Variants in ZC3H3 observed in about 807,000 individuals in gnomAD.
ZC3H3 encodes zinc finger CCCH domain-containing protein 3.
ZC3H3 carries 36 observed loss-of-function variants against 77.3 expected under a neutral mutation model. That is an observed-to-expected ratio of 0.47 (90% CI 0.36 to 0.61). The LOEUF (loss-of-function observed/expected upper bound fraction) is 0.61, where lower values mean the gene tolerates loss of function less well. ZC3H3 is among the 20% of genes least tolerant of loss of function. The probability of loss-of-function intolerance (pLI) is 0.00; values close to 1 mark genes in which losing one functional copy is unlikely to be tolerated. For synonymous variants in ZC3H3, 626 were observed against 555.2 expected (o/e 1.13, Z -1.79); for missense variants, 1,331 against 1,312.2 (o/e 1.01, Z -0.22).
intron 4 of ZC3H3, among the ~76,000 whole-genome samples, chr8:143,500,915 C>T (rs1293144491): frequency 1.3e-5 from 2 of 150,200 alleles, no homozygotes; most frequent in East Asian, 2.0e-4. Context: ...TGGGTTCAAG[C>T]GGTTCTCCGG....
rs1297242835 is a variant in ZC3H3, at chr8:143,460,856, C to T, written c.2307+4861G>A. On this transcript the variant is annotated intron_variant, in intron 9 of 11. Coordinates refer to ENST00000262577, the MANE Select transcript of ZC3H3 (RefSeq NM_015117.3). The surrounding 1 kb of genome is among the most constrained non-coding windows in gnomAD (Gnocchi z 4.0). The stretch of plus-strand genomic sequence containing the variant: ...TGGAAACATTACGCTGCGTGAAAGA[C>T]GCCAGACACCAAAGGACAGAATGTA... Among the ~76,000 whole-genome samples, 1 of 152,052 alleles carries T rather than the reference C, an allele frequency of 6.6e-6. No homozygotes were observed. Among genetic ancestry groups the T allele is most frequent in the African/African-American group, 2.4e-5 (1 of 41,382 alleles).
At chr8:143,507,248 A>G (rs1054261381) in intron 4 of ZC3H3, among the ~76,000 whole-genome samples, 1 of 152,136 alleles carries the variant, frequency 6.6e-6, no homozygotes, top group African/African-American at 2.4e-5. Context: ...TCGAGGTCAG[A>G]GTGCGAGTGG....
Position 143,530,240 on chromosome 8 carries a change from C to A in ZC3H3, c.1561+6017G>T, listed in dbSNP as rs1361544596. On this transcript the variant is annotated intron_variant, in intron 3 of 11. Coordinates refer to ENST00000262577, the MANE Select transcript of ZC3H3 (RefSeq NM_015117.3). This position sits in a 1 kb window ranked among gnomAD's most constrained non-coding sequence, Gnocchi z 4.3. ...TGCCCAGGACCTGCCAGGCCCGCAC[C>A]CTCCACCAGCACACTGGCGACAAGT... Among the ~76,000 whole-genome samples the A allele has an allele frequency of 6.6e-6, 1 of 152,126 alleles. No homozygotes were observed. Among genetic ancestry groups the A allele is most frequent in the Non-Finnish European group, 1.5e-5 (1 of 68,012 alleles).
rs896935 is a variant in ZC3H3 at position 143,531,576 on chromosome 8, A to G, written c.1561+4681T>C. Among the ~76,000 whole-genome samples the G allele has an allele frequency of 8.4e-3, 1,282 of 152,360 alleles. 9 individuals carry two copies. Among genetic ancestry groups the G allele is most frequent in the African/African-American group, 0.029 (1,214 of 41,582 alleles). ...AAAGCGATTATCTGTTGTGCCAAAT[A>G]AATTGTGTACAGCATATATCCTGTG... On this transcript the variant is annotated intron_variant, in intron 3 of 11. Transcript: ENST00000262577.
intron 4 of ZC3H3, among the ~76,000 whole-genome samples, chr8:143,481,891 G>A (rs922821338): frequency 6.6e-6 from 1 of 152,262 alleles, no homozygotes; most frequent in African/African-American, 2.4e-5. Context: ...CCTGCCCCGA[G>A]GCAATGCCCA....
chr8:143,510,548 C>T (rs999242450), intron 3 of ZC3H3, among the ~76,000 whole-genome samples: 12 of 152,228 alleles, frequency 7.9e-5, no homozygotes, highest in Non-Finnish European at 1.6e-4. Flanking sequence ...GCATGGCACA[C>T]GGACCCAGAA....
In ZC3H3 at chr8:143,538,095, G is replaced by A. The variant is rs774493313; in HGVS notation, c.1272C>T (p.His424=). The A allele has an allele frequency of 9.9e-6, 16 of 1,613,168 alleles. No homozygotes were observed. Among genetic ancestry groups the A allele is most frequent in the Non-Finnish European group, 1.4e-5 (16 of 1,180,018 alleles). Reference sequence around the variant, plus strand: ...CCCCAGAGAGGGGCTTCAAGCCACTGTGTCCTACTGCTGGTCTGTCCCCCG... The same window carrying A: ...CCCCAGAGAGGGGCTTCAAGCCACTATGTCCTACTGCTGGTCTGTCCCCCG... ...SPSGDRPAVG[H]SGLKPLSGET... is the part of the protein sequence containing the mutation. The change falls in exon 2 of 12, where the codon CAC becomes CAT. Residue 424 remains histidine (H), a synonymous_variant. Transcript: ENST00000262577.
intron 4 of ZC3H3, among the ~76,000 whole-genome samples, chr8:143,485,113 G>C (rs1339559535): frequency 6.6e-6 from 1 of 152,206 alleles, no homozygotes; most frequent in Non-Finnish European, 1.5e-5. Flanking sequence ...TCAAATAACT[G>C]AGGAAAAATT....
intron 11 of ZC3H3, among the ~76,000 whole-genome samples, chr8:143,439,356 A>G (rs1416660319): frequency 6.6e-6 from 1 of 152,210 alleles, no homozygotes; most frequent in African/African-American, 2.4e-5. Context: ...CGACCGTGAA[A>G]TATGACAATA....
At chr8:143,491,693 C>T (rs183993674) in intron 4 of ZC3H3, among the ~76,000 whole-genome samples, 4 of 152,370 alleles carry the variant, frequency 2.6e-5, no homozygotes, top group Admixed American at 2.0e-4. Context: ...GCCCAGCAGG[C>T]CATGCTCTCA....
At chr8:143,512,166 T>C (rs887935142) in intron 3 of ZC3H3, among the ~76,000 whole-genome samples, 1 of 152,214 alleles carries the variant, frequency 6.6e-6, no homozygotes, top group African/African-American at 2.4e-5. Context: ...AAGGGGCTAG[T>C]CCAGGTGCAG....
intron 3 of ZC3H3, among the ~76,000 whole-genome samples, chr8:143,528,082 C>T (rs1822476763): frequency 6.6e-6 from 1 of 152,224 alleles, no homozygotes; most frequent in African/African-American, 2.4e-5. Context: ...CTCGCTGGGG[C>T]CAGGGGAGAG....
In ZC3H3 at chr8:143,533,142, C is replaced by T. The variant is rs1201751747; in HGVS notation, c.1561+3115G>A. Among the ~76,000 whole-genome samples, 2 of 152,180 alleles carry T rather than the reference C, an allele frequency of 1.3e-5. No homozygotes were observed. The highest frequency in any genetic ancestry group is 2.9e-5 in the Non-Finnish European group (2 of 68,026). On this transcript the variant is annotated intron_variant, in intron 3 of 11. Transcript: ENST00000262577. The surrounding 1 kb of genome is among the most constrained non-coding windows in gnomAD (Gnocchi z 4.0). Reference sequence around the variant, plus strand: ...GCTTCCCAACGTAACCAGAACCAACCCCCCGTTCCCTCCTGTGGCCTACAA... The same window carrying T: ...GCTTCCCAACGTAACCAGAACCAACTCCCCGTTCCCTCCTGTGGCCTACAA...
chr8:143,518,345 G>A (rs989171629), intron 3 of ZC3H3, among the ~76,000 whole-genome samples: 3 of 152,150 alleles, frequency 2.0e-5, no homozygotes, highest in Non-Finnish European at 4.4e-5. Context: ...ACTGGCTGCC[G>A]GGCGGCACGG....
rs1422978550 is a variant in ZC3H3 at position 143,530,688 on chromosome 8, A to G, written c.1561+5569T>C. Among the ~76,000 whole-genome samples, 1 of 152,044 alleles carries G rather than the reference A, an allele frequency of 6.6e-6. No individual in the cohort carries two copies. The highest frequency in any genetic ancestry group is 1.5e-5 in the Non-Finnish European group (1 of 67,982). ...GAGGATGTACCACGAAGCTGGCCCCACTTCCCCCGCACCACAGTGAGAGCC... is the reference window on the plus strand; with the variant it reads ...GAGGATGTACCACGAAGCTGGCCCCGCTTCCCCCGCACCACAGTGAGAGCC... On this transcript the variant is annotated intron_variant, in intron 3 of 11. Coordinates refer to ENST00000262577, the MANE Select transcript of ZC3H3 (RefSeq NM_015117.3). This position sits in a 1 kb window ranked among gnomAD's most constrained non-coding sequence, Gnocchi z 4.3.
intron 3 of ZC3H3, among the ~76,000 whole-genome samples, chr8:143,519,456 A>C (rs560899079): frequency 1.3e-5 from 2 of 152,254 alleles, no homozygotes; most frequent in African/African-American, 4.8e-5. Context: ...TTGAAAGCGC[A>C]AAGGTTAAAA....
At position 143,538,888 on chromosome 8, in the gene ZC3H3, C is replaced by T. The variant is rs150994390; in HGVS notation, c.479G>A (p.Arg160Gln). The change falls in exon 2 of 12, where the codon CGG becomes CAG. Residue 160 changes from arginine (R) to glutamine (Q), a missense_variant. Arg to Gln is a conservative substitution (Grantham distance 43). This residue lies in a region of ZC3H3 where 978 missense variants were observed against 915.5 expected (regional missense o/e 1.07). Coordinates refer to ENST00000262577, the MANE Select transcript of ZC3H3 (RefSeq NM_015117.3). ...CCGAGGGGGCTCACCTTCACCTTCC[C>T]GGGGCCTTTGGTCACTCCAGGGGGT... ...EETPWSDQRPREGEGEPPRGQ... is the reference protein window; with the variant it reads ...EETPWSDQRPQEGEGEPPRGQ... The T allele has an allele frequency of 1.4e-3, 2,333 of 1,612,734 alleles. 46 individuals carry two copies. The Admixed American group carries it at 0.026, about 18-fold the overall frequency.
At chr8:143,526,275 A>G (rs1346195258) in intron 3 of ZC3H3, among the ~76,000 whole-genome samples, 1 of 152,170 alleles carries the variant, frequency 6.6e-6, no homozygotes, top group African/African-American at 2.4e-5. Flanking sequence ...CACCAGTCAC[A>G]GTCCCAACAT....
intron 9 of ZC3H3, among the ~76,000 whole-genome samples, chr8:143,443,309 A>T (rs559124313): frequency 6.8e-6 from 1 of 147,412 alleles, no homozygotes; most frequent in Non-Finnish European, 1.5e-5. Flanking sequence ...AAAAAAAAAG[A>T]ACTTTTTGAA....
Sources: allele counts gnomAD v4.1 joint callset (sites outside exome capture counted in the v4.1 genomes callset), GRCh38; gene constraint gnomAD v4.1.1; regional missense constraint gnomAD v4.1.1; non-coding constraint Gnocchi (gnomAD v3.1); transcripts MANE v1.5; gene names NCBI Gene and HGNC (gene_info 2026-07-23, HGNC 2026-07-21).